The following PRTFDC1 variants were observed in gnomAD, a reference collection of about 807,000 sequenced individuals.
The protein encoded by PRTFDC1 is phosphoribosyl transferase domain containing 1.
Under a neutral mutation model 34.6 loss-of-function variants are expected in PRTFDC1, and 38 were observed. The ratio of observed to expected loss-of-function variants is 1.10; its 90% CI spans 0.85 to 1.44. The LOEUF (loss-of-function observed/expected upper bound fraction) is 1.44. PRTFDC1 is among the 40% of genes most tolerant of loss of function. The probability of loss-of-function intolerance (pLI) is 0.00; values close to 1 mark genes in which losing one functional copy is unlikely to be tolerated. For synonymous variants in PRTFDC1, 93 were observed against 98.1 expected (o/e 0.95, Z 0.31); for missense variants, 270 against 283.0 (o/e 0.95, Z 0.33).
intron 3 of PRTFDC1, among the ~76,000 whole-genome samples, chr10:24,928,403 T>A (rs1848913207): frequency 6.6e-6 from 1 of 152,122 alleles, no homozygotes; most frequent in African/African-American, 2.4e-5. Flanking sequence ...GAGACTCTGC[T>A]AAACACAGAT....
chr10:24,925,302 C>A (rs1848852758), intron 3 of PRTFDC1, among the ~76,000 whole-genome samples: 1 of 152,014 alleles, frequency 6.6e-6, no homozygotes, highest in Non-Finnish European at 1.5e-5. Flanking sequence ...GGGAACATCA[C>A]ACATTGAGGC....
chr10:24,912,358 T>A (rs865794896), intron 3 of PRTFDC1, among the ~76,000 whole-genome samples: 1 of 137,020 alleles, frequency 7.3e-6, no homozygotes, highest in Non-Finnish European at 1.5e-5. Context: ...TCCATTCCCA[T>A]CAGCAGTGTA....
intron 3 of PRTFDC1, among the ~76,000 whole-genome samples, chr10:24,876,839 C>T (rs982819113): frequency 4.0e-5 from 6 of 148,504 alleles, no homozygotes; most frequent in African/African-American, 7.5e-5. Context: ...CCCAACCCCC[C>T]GCCCCCCGAC....
chr10:24,941,021 G>C (rs1347468301), intron 2 of PRTFDC1, among the ~76,000 whole-genome samples: 2 of 143,344 alleles, frequency 1.4e-5, no homozygotes, highest in African/African-American at 2.8e-5. Flanking sequence ...TTGTGCAGTA[G>C]TATATAAATT....
At chr10:24,920,566 T>C (rs1011792298) in intron 3 of PRTFDC1, among the ~76,000 whole-genome samples, 2 of 144,866 alleles carry the variant, frequency 1.4e-5, no homozygotes, top group Non-Finnish European at 3.0e-5. Flanking sequence ...TCAGGATAAA[T>C]AGCTAACACA....
intron 4 of PRTFDC1, among the ~76,000 whole-genome samples, chr10:24,865,990 A>G (rs1847767714): frequency 1.3e-5 from 2 of 152,210 alleles, no homozygotes; most frequent in South Asian, 4.1e-4. Flanking sequence ...AGATGAAATA[A>G]AAAAAGAATG....
At chr10:24,903,380 C>T (rs968698838) in intron 3 of PRTFDC1, among the ~76,000 whole-genome samples, 1 of 152,158 alleles carries the variant, frequency 6.6e-6, no homozygotes, top group Admixed American at 6.5e-5. Context: ...AATGATTATA[C>T]ACAAGGTTGT....
At chr10:24,857,732 G>A (rs1190329233) in intron 5 of PRTFDC1, among the ~76,000 whole-genome samples, 1 of 152,152 alleles carries the variant, frequency 6.6e-6, no homozygotes, top group Non-Finnish European at 1.5e-5. Flanking sequence ...ACAGGCAATT[G>A]TGTAACAAAA....
intron 3 of PRTFDC1, chr10:24,908,877 G>T (rs1009181040): frequency 2.5e-5 from 21 of 847,962 alleles, no homozygotes; most frequent in Non-Finnish European, 3.5e-6. Context: ...TCTGGCTGGG[G>T]TGAGAATGCA....
In PRTFDC1 at chr10:24,877,959, A is replaced by C. The variant is rs1847994987; in HGVS notation, c.340-5896T>G. ...TTTGATCTCCAATTTGCAAATGAAG[A>C]AACAGAGACAATAAGAGTTTAAGAA... On this transcript the variant is annotated intron_variant, in intron 3 of 8. Coordinates refer to ENST00000320152, the MANE Select transcript of PRTFDC1 (RefSeq NM_020200.7). Among the ~76,000 whole-genome samples the C allele has an allele frequency of 2.0e-5, 3 of 152,122 alleles. No homozygotes were observed. In the South Asian group the frequency reaches 6.2e-4, roughly 32 times the overall value.
chr10:24,923,859 T>C (rs958436433), intron 3 of PRTFDC1, among the ~76,000 whole-genome samples: 1 of 152,136 alleles, frequency 6.6e-6, no homozygotes, highest in Non-Finnish European at 1.5e-5. Flanking sequence ...TTCTCTGAGC[T>C]AAAGGAACAT....
At chr10:24,937,011 A>G (rs1849061792) in intron 3 of PRTFDC1, among the ~76,000 whole-genome samples, 173 bp downstream of exon 3, 1 of 152,174 alleles carries the variant, frequency 6.6e-6, no homozygotes, top group Non-Finnish European at 1.5e-5. Context: ...CGCCCTAAAT[A>G]GTATCATTTG....
At chr10:24,949,751 T>TATTTATTTATTTATTTA (rs58743711) in intron 1 of PRTFDC1, among the ~76,000 whole-genome samples, 1 of 140,032 alleles carries the variant, frequency 7.1e-6, no homozygotes, top group African/African-American at 2.6e-5. Flanking sequence ...TTTTTTTTTT[T>TATTTATTTATTTATTTA]TTTTTAAGAA....
At chr10:24,878,942 C>T (rs772553542) in intron 3 of PRTFDC1, among the ~76,000 whole-genome samples, 1 of 152,132 alleles carries the variant, frequency 6.6e-6, no homozygotes, top group Non-Finnish European at 1.5e-5. Context: ...TTTTTTCATC[C>T]TAATCCTTCC....
At chr10:24,852,819 G>A (rs1474574048) in intron 7 of PRTFDC1, among the ~76,000 whole-genome samples, 1 of 152,136 alleles carries the variant, frequency 6.6e-6, no homozygotes, top group Non-Finnish European at 1.5e-5. Flanking sequence ...CCTGGGCAAA[G>A]TCATCTCCAC....
intron 3 of PRTFDC1, among the ~76,000 whole-genome samples, chr10:24,922,012 T>C (rs1848798852): frequency 6.6e-6 from 1 of 152,176 alleles, no homozygotes; most frequent in South Asian, 2.1e-4. Flanking sequence ...TCCATAAATA[T>C]TTTCCCCAAA....
intron 7 of PRTFDC1, among the ~76,000 whole-genome samples, chr10:24,852,217 A>G (rs1257008496): frequency 6.6e-6 from 1 of 151,540 alleles, no homozygotes; most frequent in Non-Finnish European, 1.5e-5. Flanking sequence ...GAGTCTCGCG[A>G]TCTTGGCTTA....
intron 3 of PRTFDC1, among the ~76,000 whole-genome samples, chr10:24,872,596 T>C (rs1588582184): frequency 6.6e-6 from 1 of 151,762 alleles, no homozygotes; most frequent in East Asian, 1.9e-4. Context: ...TCAAGAAGTA[T>C]TGCACTTAGA....
intron 7 of PRTFDC1, among the ~76,000 whole-genome samples, chr10:24,853,939 T>G (rs1847533556): frequency 6.6e-6 from 1 of 152,204 alleles, no homozygotes; most frequent in Non-Finnish European, 1.5e-5. Context: ...GGCTTAATAT[T>G]GGCCTGACAC....
Sources: gnomAD v4.1 joint callset for allele counts (sites outside exome capture counted in the v4.1 genomes callset) on GRCh38, gnomAD v4.1.1 for gene constraint, MANE v1.5 for transcripts, NCBI Gene and HGNC (gene_info 2026-07-23, HGNC 2026-07-21) for gene names.